Variants in SGCZ observed in about 807,000 individuals in gnomAD.
SGCZ encodes zeta-sarcoglycan.
A neutral mutation model predicts 41.3 loss-of-function variants in SGCZ; 40 were observed. The observed-to-expected ratio is 0.97, with a 90% CI of 0.75 to 1.26. SGCZ has a LOEUF of 1.26. Ranked by LOEUF, SGCZ falls within the 50% of genes most tolerant of loss-of-function variation. The probability of loss-of-function intolerance (pLI) is 0.00; values close to 1 mark genes in which losing one functional copy is unlikely to be tolerated. For synonymous variants in SGCZ, 206 were observed against 137.5 expected, an observed-to-expected ratio of 1.50 and a Z score of -3.49; for missense variants, 552 against 369.8, an observed-to-expected ratio of 1.49 and a Z score of -4.04.
intron 2 of SGCZ, among the ~76,000 whole-genome samples, chr8:14,528,834 AAAACAAAAC>A (rs1803035024): frequency 9.4e-6 from 1 of 106,380 alleles, no homozygotes; most frequent in African/African-American, 4.3e-5. Context: ...AGCCAAAAAA[AAAACAAAAC>A]AAAAACAAAA....
At chr8:15,172,154 G>GTTTTTTTTTTT (rs1183210302) in intron 1 of SGCZ, among the ~76,000 whole-genome samples, 11 of 71,762 alleles carry the variant, frequency 1.5e-4, no homozygotes, top group African/African-American at 5.6e-4. Context: ...TTTATACTCT[G>GTTTTTTTTTTT]TTTTTTTTTT....
intron 3 of SGCZ, among the ~76,000 whole-genome samples, chr8:14,311,622 A>C (rs1259906310): frequency 6.6e-6 from 1 of 152,208 alleles, no homozygotes; most frequent in Non-Finnish European, 1.5e-5. Context: ...ATATTGGTAA[A>C]AACTTGTGAA....
intron 1 of SGCZ, among the ~76,000 whole-genome samples, chr8:14,909,883 G>A (rs1799232776): frequency 6.6e-6 from 1 of 151,982 alleles, no homozygotes; most frequent in African/African-American, 2.4e-5. Flanking sequence ...GCTATATAGT[G>A]GAAACTCATA....
intron 1 of SGCZ, among the ~76,000 whole-genome samples, chr8:15,015,686 T>TC (rs1803000878): frequency 1.9e-4 from 1 of 5,156 alleles, no homozygotes; most frequent in Non-Finnish European, 8.9e-4. Flanking sequence ...AGACTCCATC[T>TC]CAAAAAAAAA....
intron 2 of SGCZ, among the ~76,000 whole-genome samples, chr8:14,426,389 GGTA>G (rs1047749271): frequency 6.6e-6 from 1 of 151,994 alleles, no homozygotes; most frequent in African/African-American, 2.4e-5. Flanking sequence ...GTTAACAGAA[GGTA>G]GTTACTGATC....
chr8:14,524,460 T>C (rs1802880893), intron 2 of SGCZ, among the ~76,000 whole-genome samples: 1 of 152,066 alleles, frequency 6.6e-6, no homozygotes, highest in Non-Finnish European at 1.5e-5. Context: ...TCAGTGATAC[T>C]GTAGTAGGGG....
intron 4 of SGCZ, among the ~76,000 whole-genome samples, chr8:14,190,267 C>T (rs1805054009): frequency 6.6e-6 from 1 of 151,958 alleles, no homozygotes; most frequent in Non-Finnish European, 1.5e-5. Context: ...CCACCTCGGC[C>T]TCCCAAAGTG....
At chr8:14,976,419 T>A (rs1801480332) in intron 1 of SGCZ, among the ~76,000 whole-genome samples, 1 of 152,200 alleles carries the variant, frequency 6.6e-6, no homozygotes, top group Admixed American at 6.5e-5. Context: ...ATACTAATAT[T>A]CCCTGTGACC....
At chr8:14,500,779 C>T (rs932979045) in intron 2 of SGCZ, among the ~76,000 whole-genome samples, 1 of 151,866 alleles carries the variant, frequency 6.6e-6, no homozygotes, top group East Asian at 1.9e-4. Context: ...TAAAAATTAA[C>T]TAGACAGGAA....
intron 2 of SGCZ, among the ~76,000 whole-genome samples, chr8:14,439,943 T>C (rs1800199464): frequency 6.6e-6 from 1 of 151,980 alleles, no homozygotes; most frequent in African/African-American, 2.4e-5. Context: ...CTTTCCCTAA[T>C]ATTTGGTTCA....
chr8:14,237,473 ACTCT>A (rs1284949090), intron 4 of SGCZ, 115 bp downstream of exon 4: 1 of 938,980 alleles, frequency 1.1e-6, no homozygotes, highest in Non-Finnish European at 1.7e-6. Flanking sequence ...ACAGAGTGAG[ACTCT>A]GTCTCAAAAC....
intron 1 of SGCZ, among the ~76,000 whole-genome samples, chr8:14,956,492 G>C (rs1484410995): frequency 6.6e-6 from 1 of 151,796 alleles, no homozygotes; most frequent in Non-Finnish European, 1.5e-5. Flanking sequence ...TATAACACTT[G>C]CCTTCAGGTC....
At chr8:14,199,505 T>G (rs1261917527) in intron 4 of SGCZ, among the ~76,000 whole-genome samples, 2 of 152,192 alleles carry the variant, frequency 1.3e-5, no homozygotes, top group African/African-American at 2.4e-5. Flanking sequence ...GTGAAGCATG[T>G]GATCTCTGTG....
intron 1 of SGCZ, among the ~76,000 whole-genome samples, chr8:14,773,160 G>A (rs1012346547): frequency 1.3e-5 from 2 of 152,080 alleles, no homozygotes; most frequent in Non-Finnish European, 2.9e-5. Flanking sequence ...GTTTTGATTT[G>A]CATTTCTCTG....
intron 1 of SGCZ, among the ~76,000 whole-genome samples, chr8:14,935,145 T>C (rs1198820740): frequency 2.6e-5 from 4 of 151,620 alleles, no homozygotes; most frequent in Non-Finnish European, 5.9e-5. Context: ...AACAGGCTGA[T>C]TTTGTTTTTT....
intron 3 of SGCZ, among the ~76,000 whole-genome samples, chr8:14,250,411 G>C (rs971053715): frequency 7.2e-5 from 11 of 152,048 alleles, no homozygotes; most frequent in Admixed American, 2.6e-4. Flanking sequence ...CTGCAGTTAA[G>C]CTACATTTTC....
At chr8:14,821,656 T>C (rs927087610) in intron 1 of SGCZ, among the ~76,000 whole-genome samples, 4 of 152,008 alleles carry the variant, frequency 2.6e-5, no homozygotes, top group Admixed American at 2.0e-4. Flanking sequence ...AAGAATGTCT[T>C]AACATACCCA....
chr8:14,694,142 A>G (rs1278578855), intron 1 of SGCZ, among the ~76,000 whole-genome samples: 1 of 152,184 alleles, frequency 6.6e-6, no homozygotes, highest in African/African-American at 2.4e-5. Context: ...AACAGAGGGT[A>G]AATATAACCC....
At chr8:14,117,368 T>G (rs1802554398) in intron 5 of SGCZ, among the ~76,000 whole-genome samples, 1 of 148,828 alleles carries the variant, frequency 6.7e-6, no homozygotes, top group Non-Finnish European at 1.5e-5. Context: ...TTTTTTTTTT[T>G]TTTGAGAAAG....
Sources: gnomAD v4.1 joint callset for allele counts (sites outside exome capture counted in the v4.1 genomes callset) on GRCh38, gnomAD v4.1.1 for gene constraint, MANE v1.5 for transcripts, NCBI Gene and HGNC (gene_info 2026-07-23, HGNC 2026-07-21) for gene names.